Variants in SNTG1 observed in about 807,000 individuals in gnomAD.
The protein encoded by SNTG1 is gamma-1-syntrophin.
A neutral mutation model predicts 74.7 loss-of-function variants in SNTG1; 39 were observed. The observed-to-expected ratio is 0.52, with a 90% CI of 0.40 to 0.68. SNTG1 has a LOEUF of 0.68. Ranked by LOEUF, SNTG1 falls within the 30% of genes least tolerant of loss-of-function variation. SNTG1 has a pLI of 0.00. For synonymous variants in SNTG1, 254 were observed against 217.1 expected (o/e 1.17, Z -1.49); for missense variants, 685 against 609.5 (o/e 1.12, Z -1.30).
intron 15 of SNTG1, among the ~76,000 whole-genome samples, chr8:50,678,544 A>G (rs2095318359): frequency 1.3e-5 from 2 of 152,128 alleles, no homozygotes; most frequent in Admixed American, 6.6e-5. Context: ...TGAATATTTA[A>G]GGAACATATC....
intron 2 of SNTG1, among the ~76,000 whole-genome samples, chr8:50,335,578 T>A (rs139059271): frequency 1.6e-3 from 246 of 152,276 alleles, no homozygotes; most frequent in Non-Finnish European, 2.3e-3. Context: ...AAAACCAGTA[T>A]GGTTGAATCA....
intron 2 of SNTG1, among the ~76,000 whole-genome samples, chr8:50,188,820 G>A (rs1321976036): frequency 6.6e-6 from 1 of 152,068 alleles, no homozygotes; most frequent in East Asian, 1.9e-4. Context: ...GGATAGTAAG[G>A]CCTTGATCCC....
chr8:50,136,028 T>C (rs2081464083), intron 1 of SNTG1, among the ~76,000 whole-genome samples: 2 of 152,166 alleles, frequency 1.3e-5, no homozygotes, highest in East Asian at 1.9e-4. Flanking sequence ...CCTGTGTTAG[T>C]TTGATTAGGA....
chr8:50,209,787 G>A (rs1375880845), intron 2 of SNTG1, among the ~76,000 whole-genome samples: 19 of 152,204 alleles, frequency 1.2e-4, no homozygotes, highest in Admixed American at 1.2e-3. Flanking sequence ...GAGCAGAGAA[G>A]CTGAAATTCT....
intron 17 of SNTG1, among the ~76,000 whole-genome samples, chr8:50,750,047 T>C (rs1420761498): frequency 6.6e-6 from 1 of 152,062 alleles, no homozygotes; most frequent in African/African-American, 2.4e-5. Context: ...CTAGAAAGGA[T>C]TCATAATTTT....
chr8:50,515,098 T>C (rs1321631952), intron 9 of SNTG1, among the ~76,000 whole-genome samples: 1 of 152,202 alleles, frequency 6.6e-6, no homozygotes, highest in Non-Finnish European at 1.5e-5. Flanking sequence ...TTTCAGCCTG[T>C]GCTCATCATT....
chr8:50,744,637 C>A (rs1159061058), intron 17 of SNTG1, among the ~76,000 whole-genome samples: 1 of 151,912 alleles, frequency 6.6e-6, no homozygotes, highest in Non-Finnish European at 1.5e-5. Flanking sequence ...TCTTTGACTT[C>A]TGATTACAAA....
intron 2 of SNTG1, among the ~76,000 whole-genome samples, chr8:50,235,582 T>C (rs1019535264): frequency 5.7e-4 from 87 of 152,258 alleles, no homozygotes; most frequent in African/African-American, 2.0e-3. Context: ...CACATTTTTG[T>C]TGGAAAAAAT....
At chr8:50,350,902 A>T (rs1033514598) in intron 2 of SNTG1, among the ~76,000 whole-genome samples, 1 of 152,224 alleles carries the variant, frequency 6.6e-6, no homozygotes, top group African/African-American at 2.4e-5. Context: ...GAATGAAAGC[A>T]GGCCGCCCAA....
intron 17 of SNTG1, among the ~76,000 whole-genome samples, chr8:50,750,857 C>A (rs931059782): frequency 1.3e-5 from 2 of 151,904 alleles, no homozygotes; most frequent in Non-Finnish European, 2.9e-5. Context: ...CTTGCTGTTT[C>A]GTGGTGGTCT....
intron 1 of SNTG1, among the ~76,000 whole-genome samples, chr8:49,967,994 G>A (rs1172718756): frequency 6.6e-6 from 1 of 152,124 alleles, no homozygotes; most frequent in African/African-American, 2.4e-5. Flanking sequence ...CTATCCTTCA[G>A]TGTCTTGCAG....
intron 10 of SNTG1, among the ~76,000 whole-genome samples, chr8:50,534,068 A>T (rs926424816): frequency 6.6e-6 from 1 of 152,234 alleles, no homozygotes; most frequent in Non-Finnish European, 1.5e-5. Context: ...ACCTGAAGTT[A>T]TATAACCAAA....
chr8:50,496,960 T>G (rs1437149346), intron 8 of SNTG1, among the ~76,000 whole-genome samples: 1 of 140,316 alleles, frequency 7.1e-6, no homozygotes, highest in Non-Finnish European at 1.5e-5. Context: ...TAATATGCAT[T>G]TAAAGCATAG....
At chr8:50,127,326 G>A (rs1253087326) in intron 1 of SNTG1, among the ~76,000 whole-genome samples, 1 of 152,132 alleles carries the variant, frequency 6.6e-6, no homozygotes, top group Non-Finnish European at 1.5e-5. Context: ...AGGAATACTA[G>A]AGGGAATATG....
At chr8:50,613,900 T>TGTA (rs2094868498) in intron 13 of SNTG1, among the ~76,000 whole-genome samples, 1 of 152,160 alleles carries the variant, frequency 6.6e-6, no homozygotes, top group South Asian at 2.1e-4. Context: ...ATAAAAGTTG[T>TGTA]AAAATAAAAC....
chr8:50,693,297 C>A (rs1433689019), intron 15 of SNTG1, among the ~76,000 whole-genome samples: 1 of 152,104 alleles, frequency 6.6e-6, no homozygotes, highest in African/African-American at 2.4e-5. Context: ...GTGAGATGAA[C>A]CTGGTACCTC....
At chr8:50,426,927 A>G (rs1033466486) in intron 4 of SNTG1, among the ~76,000 whole-genome samples, 12 of 152,218 alleles carry the variant, frequency 7.9e-5, no homozygotes, top group South Asian at 4.1e-4. Flanking sequence ...CTATTTATAT[A>G]GAACTTACAT....
chr8:50,306,400 G>A (rs1362282526), intron 2 of SNTG1, among the ~76,000 whole-genome samples: 6 of 151,708 alleles, frequency 4.0e-5, no homozygotes, highest in Admixed American at 1.3e-4. Flanking sequence ...CTTTTTCTTT[G>A]GGTAGATAGC....
chr8:50,184,962 A>G (rs1159824011), intron 2 of SNTG1, among the ~76,000 whole-genome samples: 1 of 152,238 alleles, frequency 6.6e-6, no homozygotes, highest in Non-Finnish European at 1.5e-5. Context: ...TTTTAACAAA[A>G]CAAAGAAAAA....
Sources: allele counts gnomAD v4.1 joint callset (sites outside exome capture counted in the v4.1 genomes callset), GRCh38; gene constraint gnomAD v4.1.1; transcripts MANE v1.5; gene names NCBI Gene and HGNC (gene_info 2026-07-23, HGNC 2026-07-21).